The following GPHN variants were observed in gnomAD, a reference collection of about 807,000 sequenced individuals.
GPHN encodes the protein gephyrin.
A neutral mutation model predicts 95.5 loss-of-function variants in GPHN; 17 were observed. That is an observed-to-expected ratio of 0.18 (90% CI 0.12 to 0.27). The LOEUF (loss-of-function observed/expected upper bound fraction) is 0.27. Among genes scored for constraint, GPHN ranks in the 10% least tolerant of loss-of-function variants. The pLI is 1.00. For synonymous variants in GPHN, 320 were observed against 322.5 expected, an observed-to-expected ratio of 0.99 and a Z score of 0.08; for missense variants, 660 against 978.1, an observed-to-expected ratio of 0.67 and a Z score of 4.34.
intron 3 of GPHN, among the ~76,000 whole-genome samples, chr14:66,787,858 T>TTTTATATATATATATATATATA (rs553261342): frequency 8.0e-5 from 12 of 150,608 alleles, no homozygotes; most frequent in Admixed American, 4.6e-4. Flanking sequence ...ATAAAAAGTA[T>TTTTATATATATATATATATATA]TATATATATA....
the GPHN span, chr14:67,338,619 G>T: frequency 1.9e-6 from 3 of 1,613,402 alleles, no homozygotes; most frequent in Admixed American, 3.3e-5. Flanking sequence ...GAACAGGAAA[G>T]ATTATTCAAA....
chr14:66,940,603 C>T (rs78544980), intron 8 of GPHN, among the ~76,000 whole-genome samples: 1,846 of 152,270 alleles, frequency 0.012, 19 homozygotes, highest in Non-Finnish European at 0.018. Flanking sequence ...CCCATTTATG[C>T]GATGGATACT....
At chr14:67,336,292 G>C in the GPHN span, 1 of 158,542 alleles carries the variant, frequency 6.3e-6, no homozygotes, top group Non-Finnish European at 1.4e-5. Flanking sequence ...ATATACACCT[G>C]TCACCACAGT....
At chr14:67,506,728 G>A in the GPHN span, among the ~76,000 whole-genome samples, 1 of 152,232 alleles carries the variant, frequency 6.6e-6, no homozygotes, top group Non-Finnish European at 1.5e-5. Flanking sequence ...GCTCATGCCT[G>A]TAATCCCAAC....
chr14:67,473,138 C>T, the GPHN span: 26 of 459,722 alleles, frequency 5.7e-5, no homozygotes, highest in African/African-American at 4.7e-4. This position sits in a 1 kb window ranked among gnomAD's most constrained non-coding sequence, Gnocchi z 6.5. Flanking sequence ...CATAGTCCAT[C>T]GCTGCTCAGC....
chr14:67,171,500 C>T (rs1714322769), intron 21 of GPHN, among the ~76,000 whole-genome samples: 1 of 152,148 alleles, frequency 6.6e-6, no homozygotes, highest in Non-Finnish European at 1.5e-5. Flanking sequence ...CATTAAAGCA[C>T]TCTACCACCC....
the GPHN span, among the ~76,000 whole-genome samples, chr14:67,466,646 C>T: frequency 1.3e-5 from 2 of 152,182 alleles, no homozygotes; most frequent in African/African-American, 2.4e-5. Context: ...CGGCACTGTA[C>T]CCAGCTAGGC....
chr14:66,795,721 A>G (rs1293979653), intron 3 of GPHN, among the ~76,000 whole-genome samples: 1 of 152,130 alleles, frequency 6.6e-6, no homozygotes, highest in Non-Finnish European at 1.5e-5. Flanking sequence ...TACATAATAA[A>G]TGTATATATT....
chr14:66,767,441 GAAAAAAA>G (rs375844697), intron 2 of GPHN, among the ~76,000 whole-genome samples: 8 of 96,916 alleles, frequency 8.3e-5, no homozygotes, highest in East Asian at 4.8e-4. Flanking sequence ...TTTTTGAACA[GAAAAAAA>G]AAAAAAAAAA....
At chr14:67,139,789 A>G (rs536732401) in intron 17 of GPHN, among the ~76,000 whole-genome samples, 1 of 152,268 alleles carries the variant, frequency 6.6e-6, no homozygotes, top group African/African-American at 2.4e-5. Flanking sequence ...TACAACAGAA[A>G]GGAGAGTTAC....
chr14:66,570,968 C>T (rs994511277), intron 1 of GPHN, among the ~76,000 whole-genome samples: 1 of 151,950 alleles, frequency 6.6e-6, no homozygotes, highest in Non-Finnish European at 1.5e-5. Flanking sequence ...TGGTTATTTT[C>T]TTGCTCTTTA....
At chr14:66,592,397 C>G (rs13084239) in intron 1 of GPHN, among the ~76,000 whole-genome samples, 3 of 151,610 alleles carry the variant, frequency 2.0e-5, no homozygotes, top group Admixed American at 2.0e-4. Flanking sequence ...TTTTTGCAAT[C>G]CATCCATCTG....
At chr14:67,389,291 G>A in the GPHN span, among the ~76,000 whole-genome samples, 5 of 152,218 alleles carry the variant, frequency 3.3e-5, no homozygotes, top group South Asian at 1.0e-3. Flanking sequence ...GAAGGGATCC[G>A]CCCCAGCCTG....
chr14:67,368,478 C>T, the GPHN span, among the ~76,000 whole-genome samples: 1 of 152,012 alleles, frequency 6.6e-6, no homozygotes, highest in South Asian at 2.1e-4. Context: ...TATTTAGTTA[C>T]TACTAATAAT....
At chr14:66,748,450 T>G (rs908947706) in intron 2 of GPHN, among the ~76,000 whole-genome samples, 1 of 151,988 alleles carries the variant, frequency 6.6e-6, no homozygotes, top group Non-Finnish European at 1.5e-5. Context: ...CACCCTTACA[T>G]GCATAGCCTC....
intron 19 of GPHN, among the ~76,000 whole-genome samples, chr14:67,162,666 C>G (rs1393763027): frequency 6.6e-6 from 1 of 152,188 alleles, no homozygotes; most frequent in Non-Finnish European, 1.5e-5. Context: ...GCCAAATAAC[C>G]TATCCATAAA....
At chr14:67,586,076 C>T in the GPHN span, 17 of 1,613,820 alleles carry the variant, frequency 1.1e-5, no homozygotes, top group Non-Finnish European at 1.2e-5. Context: ...AGAAGTTGAT[C>T]TTCCGGATGG....
the GPHN span, chr14:67,204,610 A>G: frequency 2.5e-6 from 4 of 1,613,842 alleles, no homozygotes; most frequent in East Asian, 2.2e-5. Context: ...AAAGCTGGTG[A>G]GTGGTCGAGC....
the GPHN span, among the ~76,000 whole-genome samples, chr14:67,399,646 T>C: frequency 5.9e-5 from 8 of 136,104 alleles, no homozygotes; most frequent in African/African-American, 1.8e-4. Flanking sequence ...GTTTAGGTGG[T>C]TCTCAGGTGG....
Sources: allele counts gnomAD v4.1 joint callset (sites outside exome capture counted in the v4.1 genomes callset), GRCh38; gene constraint gnomAD v4.1.1; non-coding constraint Gnocchi (gnomAD v3.1); transcripts MANE v1.5; gene names NCBI Gene and HGNC (gene_info 2026-07-23, HGNC 2026-07-21).